The following EFR3B variants were observed in gnomAD, a reference collection of about 807,000 sequenced individuals.
EFR3B encodes EFR3 homolog B, also known as protein EFR3 homolog B.
A neutral mutation model predicts 104.7 loss-of-function variants in EFR3B; 64 were observed. That is an observed-to-expected ratio of 0.61 (90% CI 0.50 to 0.75). The LOEUF (loss-of-function observed/expected upper bound fraction) is 0.75, where lower values mean the gene tolerates loss of function less well. Among genes scored for constraint, EFR3B ranks in the 30% least tolerant of loss-of-function variants. The probability of loss-of-function intolerance (pLI) is 0.00; values close to 1 mark genes in which losing one functional copy is unlikely to be tolerated. For synonymous variants in EFR3B, 385 were observed against 417.9 expected (o/e 0.92, Z 0.96); for missense variants, 750 against 1,078.5 (o/e 0.70, Z 4.27).
chr2:25,089,987 C>T (rs1365511207), intron 1 of EFR3B, among the ~76,000 whole-genome samples: 2 of 151,402 alleles, frequency 1.3e-5, no homozygotes, highest in Non-Finnish European at 3.0e-5. Context: ...TTTCCTCCTC[C>T]AGTGGCACCC....
At chr2:25,076,811 A>G (rs1668644874) in intron 1 of EFR3B, among the ~76,000 whole-genome samples, 1 of 152,218 alleles carries the variant, frequency 6.6e-6, no homozygotes, top group African/African-American at 2.4e-5. Flanking sequence ...TTGGCCGGAA[A>G]CGGGTGAGTG....
At position 25,154,411 on chromosome 2, in the gene EFR3B, C is replaced by T. The variant is rs1671104046; in HGVS notation, c.*71C>T. The stretch of plus-strand genomic sequence containing the variant: ...GCTCACCTCACGCCCACCCCGACCA[C>T]ATGGAGATCTGGCTGTGATCTCTGA... On this transcript the variant is annotated 3_prime_UTR_variant, in exon 23 of 23. Transcript: ENST00000403714. The surrounding 1 kb of genome is among the most constrained non-coding windows in gnomAD (Gnocchi z 4.1). 1 of 1,339,800 alleles carries T rather than the reference C, an allele frequency of 7.5e-7. No homozygotes were observed. The highest frequency in any genetic ancestry group is 2.5e-5 in the East Asian group (1 of 39,400). The allele number at this position is 1,339,800 out of a possible 1,614,324, so 83.0% of individuals were successfully genotyped here. A position where few individuals can be genotyped will look rare whatever the true frequency, so the allele number is the denominator to read the frequency against.
Position 25,097,308 on chromosome 2 carries a change from C to A in EFR3B, c.212+4178C>A, listed in dbSNP as rs56205984. On this transcript the variant is annotated intron_variant, in intron 3 of 22. Coordinates refer to ENST00000403714, the MANE Select transcript of EFR3B (RefSeq NM_014971.2). The stretch of plus-strand genomic sequence containing the variant: ...AGAAGAAAAATCTGTTAGATTTGAT[C>A]TCTTATTCTCTCTTTGCCCTCCCTG... Among the ~76,000 whole-genome samples the A allele has an allele frequency of 3.6e-3, 552 of 152,304 alleles. 4 individuals carry two copies. Among genetic ancestry groups the A allele is most frequent in the African/African-American group, 0.012 (498 of 41,564 alleles).
intron 20 of EFR3B, among the ~76,000 whole-genome samples, chr2:25,150,687 T>C (rs1394583152): frequency 6.6e-6 from 1 of 150,952 alleles, no homozygotes; most frequent in Non-Finnish European, 1.5e-5. Context: ...CTTGGCTCAC[T>C]ACAACCTCTG....
chr2:25,088,618 C>T (rs893277940), intron 1 of EFR3B, among the ~76,000 whole-genome samples: 3 of 152,114 alleles, frequency 2.0e-5, no homozygotes, highest in Admixed American at 6.5e-5. Context: ...AGTCCTGGCC[C>T]TGCTATAAGT....
At chr2:25,062,962 C>T (rs1246250899) in intron 1 of EFR3B, among the ~76,000 whole-genome samples, 8 of 151,636 alleles carry the variant, frequency 5.3e-5, no homozygotes, top group East Asian at 1.9e-4. Flanking sequence ...CTCGCTCTGT[C>T]GCCCAGGCTG....
In EFR3B at chr2:25,094,014, C is replaced by T. The variant is rs759382915; in HGVS notation, c.212+884C>T. Among the ~76,000 whole-genome samples the T allele has an allele frequency of 3.9e-5, 6 of 152,048 alleles. No homozygotes were observed. In the East Asian group the frequency reaches 7.7e-4, roughly 20 times the overall value. On this transcript the variant is annotated intron_variant, in intron 3 of 22. Coordinates refer to ENST00000403714, the MANE Select transcript of EFR3B (RefSeq NM_014971.2). ...AATATAGAAACACTGAGACCAGGCA[C>T]GGTGGCTCATACCTATAATCCCAGC...
chr2:25,092,613 A>G (rs958450548), intron 2 of EFR3B, among the ~76,000 whole-genome samples: 1 of 150,342 alleles, frequency 6.7e-6, no homozygotes, highest in Non-Finnish European at 1.5e-5. Flanking sequence ...CAATGGTGCA[A>G]TCTTGGCTCA....
intron 2 of EFR3B, among the ~76,000 whole-genome samples, chr2:25,091,614 G>T (rs1167491514): frequency 6.6e-6 from 1 of 152,230 alleles, no homozygotes; most frequent in Non-Finnish European, 1.5e-5. Context: ...AGGGCATTTG[G>T]ATCTGCAGAA....
At chr2:25,080,040 G>T in intron 1 of EFR3B, 1 of 877,038 alleles carries the variant, frequency 1.1e-6, no homozygotes, top group Non-Finnish European at 2.0e-6. Context: ...TGCTCTCGGT[G>T]CCTTAGCATC....
chr2:25,060,421 ACT>A (rs1668155464), intron 1 of EFR3B, among the ~76,000 whole-genome samples: 1 of 151,542 alleles, frequency 6.6e-6, no homozygotes, highest in African/African-American at 2.4e-5. Context: ...TCTCTGGAAA[ACT>A]CTTCCAACTC....
chr2:25,065,181 A>G (rs748799004), intron 1 of EFR3B, among the ~76,000 whole-genome samples: 9 of 151,970 alleles, frequency 5.9e-5, no homozygotes, highest in African/African-American at 9.7e-5. Flanking sequence ...AATGATTCCT[A>G]TAATATTTAT....
intron 17 of EFR3B, among the ~76,000 whole-genome samples, chr2:25,142,944 TAAAAAAAAAAAA>T (rs767559729): frequency 9.2e-6 from 1 of 109,254 alleles, no homozygotes; most frequent in Non-Finnish European, 1.9e-5. Context: ...ACCCTGTCTT[TAAAAAAAAAAAA>T]AAAAAAAAAG....
At chr2:25,105,080 C>T (rs1486951101) in intron 4 of EFR3B, among the ~76,000 whole-genome samples, 1 of 152,190 alleles carries the variant, frequency 6.6e-6, no homozygotes, top group Non-Finnish European at 1.5e-5. Context: ...TTAAGTGAAG[C>T]TTTTATCTAT....
intron 5 of EFR3B, among the ~76,000 whole-genome samples, chr2:25,126,928 T>A (rs939512717): frequency 6.6e-6 from 1 of 151,090 alleles, no homozygotes; most frequent in African/African-American, 2.4e-5. Flanking sequence ...GCACGGTGGC[T>A]CACACCTGTA....
Position 25,130,524 on chromosome 2 carries a change from T to C in EFR3B, c.771-28T>C. ...CCTAACACTGCCGGGAGTTTCATAGTTGTTCCCCCACGTTTTCTCCCTCAC... is the reference window on the plus strand; with the variant it reads ...CCTAACACTGCCGGGAGTTTCATAGCTGTTCCCCCACGTTTTCTCCCTCAC... On this transcript the variant is annotated intron_variant, in intron 7 of 22. Coordinates refer to ENST00000403714, the MANE Select transcript of EFR3B (RefSeq NM_014971.2). The surrounding 1 kb of genome is among the most constrained non-coding windows in gnomAD (Gnocchi z 4.6). The C allele has an allele frequency of 6.5e-7, 1 of 1,536,740 alleles. No homozygotes were observed. The highest frequency in any genetic ancestry group is 8.8e-7 in the Non-Finnish European group (1 of 1,133,438).
chr2:25,123,088 TGCAGTGG>T, intron 5 of EFR3B, among the ~76,000 whole-genome samples: 1 of 152,098 alleles, frequency 6.6e-6, no homozygotes, highest in Non-Finnish European at 1.5e-5. Context: ...ATTGACCAGG[TGCAGTGG>T]CTCATGTCTG....
At chr2:25,086,910 A>G (rs1668966745) in intron 1 of EFR3B, among the ~76,000 whole-genome samples, 1 of 151,980 alleles carries the variant, frequency 6.6e-6, no homozygotes, top group Non-Finnish European at 1.5e-5. Context: ...TAATTGGGTT[A>G]TTTTCTTATT....
intron 5 of EFR3B, among the ~76,000 whole-genome samples, chr2:25,122,127 C>T (rs1019775784): frequency 5.9e-5 from 9 of 152,034 alleles, no homozygotes; most frequent in Non-Finnish European, 8.8e-5. Context: ...CCACCACGCC[C>T]GGCTAATATT....
Sources: gnomAD v4.1 joint callset for allele counts (sites outside exome capture counted in the v4.1 genomes callset) on GRCh38, gnomAD v4.1.1 for gene constraint, Gnocchi (gnomAD v3.1) non-coding constraint, MANE v1.5 for transcripts, NCBI Gene and HGNC (gene_info 2026-07-23, HGNC 2026-07-21) for gene names.